CEP70: variants seen among roughly 807,000 people sequenced by gnomAD.
CEP70 encodes centrosomal protein 70, also known as centrosomal protein of 70 kDa.
In CEP70, 70 loss-of-function variants were observed where a neutral mutation model predicts 90.9. That is an observed-to-expected ratio of 0.77 (90% CI 0.64 to 0.94). CEP70 has a LOEUF of 0.94. Among genes scored for constraint, CEP70 ranks in the 40% least tolerant of loss-of-function variants. The pLI, the probability that CEP70 is intolerant of heterozygous loss-of-function variation, is 0.00. For synonymous variants in CEP70, 220 were observed against 228.3 expected, an observed-to-expected ratio of 0.96 and a Z score of 0.33; for missense variants, 648 against 669.0, an observed-to-expected ratio of 0.97 and a Z score of 0.35.
At chr3:138,554,349 TGA>T (rs1576801941) in intron 6 of CEP70, among the ~76,000 whole-genome samples, 1 of 152,120 alleles carries the variant, frequency 6.6e-6, no homozygotes, top group East Asian at 1.9e-4. Context: ...GCATTCCCTT[TGA>T]GAACTGGAAC....
At chr3:138,571,741 A>G (rs1189305157) in intron 3 of CEP70, among the ~76,000 whole-genome samples, 1 of 138,698 alleles carries the variant, frequency 7.2e-6, no homozygotes, top group East Asian at 1.9e-4. Context: ...ACTGGATAGT[A>G]AAGAAAAGAA....
At chr3:138,545,099 G>A (rs917622714) in intron 6 of CEP70, among the ~76,000 whole-genome samples, 2 of 152,130 alleles carry the variant, frequency 1.3e-5, no homozygotes, top group Non-Finnish European at 2.9e-5. Flanking sequence ...AATATTTGAG[G>A]TGATGGATAT....
Position 138,494,915 on chromosome 3 carries a change from C to A in CEP70, c.*100G>T. ...CTAAGAAGGGGATGAATTCTGAGAG[C>A]AAATACATTTTACAACCCTTGTCTC... On this transcript the variant is annotated 3_prime_UTR_variant, in exon 18 of 18. Transcript: ENST00000264982. The A allele has an allele frequency of 1.5e-6, 1 of 680,356 alleles. No homozygotes were observed. Among genetic ancestry groups the A allele is most frequent in the South Asian group, 1.7e-5 (1 of 58,806 alleles). 42.1% of individuals were successfully genotyped at this position (680,356 alleles called of 1,614,324 possible).
intron 11 of CEP70, among the ~76,000 whole-genome samples, chr3:138,515,822 T>C (rs2035962543): frequency 1.3e-5 from 2 of 152,186 alleles, no homozygotes; most frequent in South Asian, 4.1e-4. Flanking sequence ...CATTATTGCC[T>C]TCTCTTTTTA....
At chr3:138,571,594 G>A (rs541043070) in intron 3 of CEP70, among the ~76,000 whole-genome samples, 1 of 152,040 alleles carries the variant, frequency 6.6e-6, no homozygotes. Context: ...TCATATGTAG[G>A]CCTCAATGGA....
intron 6 of CEP70, among the ~76,000 whole-genome samples, chr3:138,562,488 C>A (rs578033841): frequency 5.3e-5 from 8 of 152,324 alleles, no homozygotes; most frequent in Non-Finnish European, 1.2e-4. Flanking sequence ...CAAAGGGAAG[C>A]CCATCAGACT....
intron 11 of CEP70, among the ~76,000 whole-genome samples, chr3:138,519,828 A>G (rs1224678885): frequency 2.0e-5 from 3 of 152,164 alleles, no homozygotes; most frequent in Non-Finnish European, 1.5e-5. Context: ...ATTCACACAT[A>G]ACAATATTAA....
intron 7 of CEP70, among the ~76,000 whole-genome samples, chr3:138,536,074 T>C (rs919946146): frequency 2.6e-5 from 4 of 152,108 alleles, no homozygotes; most frequent in African/African-American, 9.6e-5. Flanking sequence ...TATTGTAAAA[T>C]AGAAACATCT....
intron 2 of CEP70, among the ~76,000 whole-genome samples, chr3:138,581,933 A>T (rs1576938308): frequency 6.6e-6 from 1 of 152,048 alleles, no homozygotes; most frequent in East Asian, 1.9e-4. Context: ...AATAATATAC[A>T]ATGGAGCTCC....
At chr3:138,545,085 T>C (rs1335125038) in intron 6 of CEP70, among the ~76,000 whole-genome samples, 1 of 152,172 alleles carries the variant, frequency 6.6e-6, no homozygotes, top group Non-Finnish European at 1.5e-5. Flanking sequence ...CATAAAAAAA[T>C]ATAAATATTT....
chr3:138,508,486 T>C lies in CEP70; in HGVS notation c.1003A>G (p.Ser335Gly). 6.2e-7 allele frequency: 1 copy of C among 1,613,166 alleles called. No homozygotes were observed. The highest frequency in any genetic ancestry group is 1.3e-5 in the African/African-American group (1 of 75,002). ...AEDTEKKDEP[S>G]KYNQQQALID... ...AGGGCCTGTTGCTGATTATATTTGCTGGGCTCATCTTTCTTCTCTGTGTCC... is the reference window on the plus strand; with the variant it reads ...AGGGCCTGTTGCTGATTATATTTGCCGGGCTCATCTTTCTTCTCTGTGTCC... The change falls in exon 12 of 18, where the codon AGC (serine) becomes GGC (glycine). Residue 335 changes from serine (S) to glycine (G), a missense_variant. Transcript: ENST00000264982.
chr3:138,499,294 A>C (rs966778382), intron 16 of CEP70, among the ~76,000 whole-genome samples: 4 of 152,194 alleles, frequency 2.6e-5, no homozygotes, highest in African/African-American at 9.7e-5. Context: ...CTATAGCTAC[A>C]ATGTCTTGAT....
intron 8 of CEP70, among the ~76,000 whole-genome samples, 181 bp from the exon 9 acceptor site, chr3:138,529,643 C>T (rs750847069): frequency 6.6e-6 from 1 of 152,146 alleles, no homozygotes; most frequent in Non-Finnish European, 1.5e-5. Flanking sequence ...ATAGTACATA[C>T]AGTATCCATT....
chr3:138,591,984 A>T (rs1576979827), intron 1 of CEP70, 28 bp from the exon 2 acceptor site: 1 of 741,570 alleles, frequency 1.3e-6, no homozygotes, highest in East Asian at 2.9e-5. Context: ...AAAAAGAACA[A>T]AATCTTGAAA....
In CEP70 at chr3:138,525,195, A is replaced by G. The variant is rs572730682; in HGVS notation, c.944+295T>C. ...AACCAAACACCGCATGTTCTCACTC[A>G]TAGGTGGGAGTTGAACAATGAGAAC... On this transcript the variant is annotated intron_variant, in intron 11 of 17. Coordinates refer to ENST00000264982, the MANE Select transcript of CEP70 (RefSeq NM_024491.4). Among the ~76,000 whole-genome samples the G allele has an allele frequency of 4.6e-5, 7 of 150,996 alleles. No individual in the cohort carries two copies. In the South Asian group the frequency reaches 6.4e-4, roughly 14 times the overall value.
intron 7 of CEP70, among the ~76,000 whole-genome samples, chr3:138,534,935 TG>T (rs2038133104): frequency 6.6e-6 from 1 of 152,236 alleles, no homozygotes; most frequent in African/African-American, 2.4e-5. Flanking sequence ...CCCTTTTTTT[TG>T]GTCCTAGTTA....
At chr3:138,541,203 A>G (rs2038735619) in intron 6 of CEP70, among the ~76,000 whole-genome samples, 1 of 152,222 alleles carries the variant, frequency 6.6e-6, no homozygotes, top group Non-Finnish European at 1.5e-5. Context: ...CTACGTAACA[A>G]ACCTTCACAT....
intron 6 of CEP70, among the ~76,000 whole-genome samples, chr3:138,539,915 A>G: frequency 6.6e-6 from 1 of 152,222 alleles, no homozygotes; most frequent in East Asian, 1.9e-4. Context: ...ATGAGTAAAG[A>G]TTTCATGACA....
chr3:138,517,579 G>T (rs1371251520), intron 11 of CEP70, among the ~76,000 whole-genome samples: 1 of 152,230 alleles, frequency 6.6e-6, no homozygotes, highest in East Asian at 1.9e-4. Context: ...TGAGGCAGGA[G>T]AATGGCGTGA....
Sources: gnomAD v4.1 joint callset for allele counts (sites outside exome capture counted in the v4.1 genomes callset) on GRCh38, gnomAD v4.1.1 for gene constraint, MANE v1.5 for transcripts, NCBI Gene and HGNC (gene_info 2026-07-23, HGNC 2026-07-21) for gene names.